RBPJ: variants seen among roughly 807,000 people sequenced by gnomAD.
RBPJ encodes the protein recombination signal binding protein for immunoglobulin kappa J region, also known as recombining binding protein suppressor of hairless.
A neutral mutation model predicts 67.8 loss-of-function variants in RBPJ; 9 were observed. That is an observed-to-expected ratio of 0.13 (90% CI 0.08 to 0.23). RBPJ has a LOEUF of 0.23. Among genes scored for constraint, RBPJ ranks in the 10% least tolerant of loss-of-function variants. The probability of loss-of-function intolerance (pLI) is 1.00; values close to 1 mark genes in which losing one functional copy is unlikely to be tolerated. For missense variants in RBPJ, 305 were observed against 595.6 expected (o/e 0.51, Z 5.08); for synonymous variants, 198 against 203.3 (o/e 0.97, Z 0.22).
intron 1 of RBPJ, among the ~76,000 whole-genome samples, chr4:26,328,507 C>A (rs1261079356): frequency 6.6e-6 from 1 of 152,094 alleles, no homozygotes; most frequent in African/African-American, 2.4e-5. Flanking sequence ...AAATGATTAT[C>A]TTCATTTGGA....
chr4:26,165,632 C>G (rs1051480305), intron 1 of RBPJ, among the ~76,000 whole-genome samples: 1 of 152,026 alleles, frequency 6.6e-6, no homozygotes, highest in Non-Finnish European at 1.5e-5. Flanking sequence ...ACCATGCTCA[C>G]TTTAAATTCC....
At chr4:26,233,834 A>G (rs937968534) in intron 1 of RBPJ, among the ~76,000 whole-genome samples, 5 of 152,246 alleles carry the variant, frequency 3.3e-5, no homozygotes, top group Non-Finnish European at 5.9e-5. Context: ...ACAAGTGATT[A>G]GCCATGAATG....
chr4:26,147,738 CT>C, the RBPJ span, among the ~76,000 whole-genome samples: 3 of 152,086 alleles, frequency 2.0e-5, no homozygotes, highest in Non-Finnish European at 4.4e-5. Context: ...CCAAGAAAAA[CT>C]TTTTAAAAAG....
chr4:26,164,425 C>A (rs189411570), intron 1 of RBPJ, among the ~76,000 whole-genome samples: 5 of 152,310 alleles, frequency 3.3e-5, no homozygotes, highest in Non-Finnish European at 7.4e-5. Context: ...GAGCTCTGAG[C>A]TCTGGCTCTC....
intron 1 of RBPJ, among the ~76,000 whole-genome samples, chr4:26,210,727 C>CTTTCCTTCTTTCTTTCCTTCTTTA (rs1718371547): frequency 1.6e-5 from 1 of 61,846 alleles, no homozygotes; most frequent in Admixed American, 1.8e-4. Flanking sequence ...TTCTTTCTTT[C>CTTTCCTTCTTTCTTTCCTTCTTTA]CTTCTTTACT....
intron 1 of RBPJ, among the ~76,000 whole-genome samples, chr4:26,373,102 A>T (rs1729334444): frequency 6.6e-6 from 1 of 152,228 alleles, no homozygotes. Context: ...CAAAAGAAGA[A>T]ATGTATTGCT....
chr4:26,150,494 G>A, the RBPJ span, among the ~76,000 whole-genome samples: 24 of 152,302 alleles, frequency 1.6e-4, no homozygotes, highest in Non-Finnish European at 2.4e-4. Context: ...TGTGTTGGGC[G>A]CTGCATAAAG....
At chr4:26,175,257 G>A (rs901925550) in intron 1 of RBPJ, among the ~76,000 whole-genome samples, 1 of 152,180 alleles carries the variant, frequency 6.6e-6, no homozygotes, top group Non-Finnish European at 1.5e-5. Flanking sequence ...CGGATGCTCA[G>A]AGGAGGGAAA....
chr4:26,256,208 G>A (rs935026314), intron 1 of RBPJ, among the ~76,000 whole-genome samples: 10 of 150,708 alleles, frequency 6.6e-5, no homozygotes, highest in East Asian at 1.9e-4. Flanking sequence ...CAACCCCATC[G>A]AAACACACCC....
rs1577409309 is a variant in RBPJ, at chr4:26,306,505, A to G, written c.-166-55941A>G. The stretch of plus-strand genomic sequence containing the variant: ...CACTCTGATGCCCAGGCTGGAGTGC[A>G]ATGGCGCGATCTCCGCTCACTGCAA... On this transcript the variant is annotated intron_variant, in intron 1 of 4. Coordinates refer to the RBPJ transcript ENST00000512351. Among the ~76,000 whole-genome samples, 4 of 151,792 alleles carry G rather than the reference A, an allele frequency of 2.6e-5. 1 individual carries two copies. Among genetic ancestry groups the G allele is most frequent in the Non-Finnish European group, 5.9e-5 (4 of 67,950 alleles).
At chr4:26,338,445 C>T (rs772338066) in intron 1 of RBPJ, among the ~76,000 whole-genome samples, 8 of 151,520 alleles carry the variant, frequency 5.3e-5, no homozygotes, top group East Asian at 1.9e-4. Flanking sequence ...TGAGCCACTG[C>T]GCCCGGCCTC....
rs73809413 is a variant in RBPJ at position 26,323,675 on chromosome 4, T to G, written c.20+2627T>G. Among the ~76,000 whole-genome samples the G allele has an allele frequency of 4.9e-3, 742 of 152,324 alleles. 10 individuals are homozygous for G. Among genetic ancestry groups the G allele is most frequent in the African/African-American group, 0.017 (720 of 41,578 alleles). On this transcript the variant is annotated intron_variant, in intron 1 of 10. Coordinates refer to ENST00000355476, the MANE Select transcript of RBPJ (RefSeq NM_015874.6). The stretch of plus-strand genomic sequence containing the variant: ...ATTAGATTTTAAGCAGTTAGGTTTG[T>G]TAAAAAGTTATCTGTTGTCCTATAC...
intron 1 of RBPJ, among the ~76,000 whole-genome samples, chr4:26,191,249 AG>A (rs1717532152): frequency 7.7e-6 from 1 of 129,096 alleles, no homozygotes; most frequent in African/African-American, 3.1e-5. Context: ...AGATAGAGAG[AG>A]AGAGAGGGAG....
chr4:26,234,446 C>G (rs75581087), intron 1 of RBPJ, among the ~76,000 whole-genome samples: 1 of 152,046 alleles, frequency 6.6e-6, no homozygotes, highest in Non-Finnish European at 1.5e-5. Context: ...AGAATGATTC[C>G]GTAGTAATAC....
At chr4:26,336,485 A>C (rs965133551) in intron 1 of RBPJ, among the ~76,000 whole-genome samples, 1 of 143,104 alleles carries the variant, frequency 7.0e-6, no homozygotes, top group Non-Finnish European at 1.5e-5. Flanking sequence ...CCCATCTCTT[A>C]AAACAAAACA....
rs116432132 is a variant in RBPJ at position 26,393,439 on chromosome 4, A to G, written c.59+7048A>G. ...ACCCAGGCTATAGCGCAGTGGTGTG[A>G]TCTTGGCTGACTGCAACCTCCGCCT... On this transcript the variant is annotated intron_variant, in intron 2 of 10. Coordinates refer to ENST00000355476, the MANE Select transcript of RBPJ (RefSeq NM_015874.6). 1.9e-3 allele frequency among the ~76,000 whole-genome samples: 286 copies of G among 152,150 alleles called. 1 individual carries two copies. The highest frequency in any genetic ancestry group is 6.6e-3 in the African/African-American group (274 of 41,518).
intron 1 of RBPJ, among the ~76,000 whole-genome samples, chr4:26,245,049 T>C (rs1719881094): frequency 6.6e-6 from 1 of 151,594 alleles, no homozygotes; most frequent in East Asian, 1.9e-4. Flanking sequence ...CTTCTTAAAG[T>C]ATACAATTCA....
At position 26,191,180 on chromosome 4, in the gene RBPJ, AATATAT is replaced by A. The variant is rs1245359104; in HGVS notation, c.-167+27592_-167+27597del. ...AAAAAAAAAAAAAAAAAAAAAAAAA[AATATAT>A]ATATATATATATATATATATATATA... On this transcript the variant is annotated intron_variant, in intron 1 of 4. Coordinates refer to the RBPJ transcript ENST00000512351. Among the ~76,000 whole-genome samples the A allele has an allele frequency of 5.4e-3, 320 of 59,616 alleles. 2 individuals are homozygous for A. Among genetic ancestry groups the A allele is most frequent in the African/African-American group, 0.011 (158 of 14,370 alleles). 39.1% of individuals were successfully genotyped at this position (59,616 alleles called of 152,430 possible).
At chr4:26,428,600 G>A in intron 7 of RBPJ, 120 bp from the exon 8 acceptor site, 1 of 709,986 alleles carries the variant, frequency 1.4e-6, no homozygotes, top group South Asian at 1.8e-5. Flanking sequence ...GTAGGCATAG[G>A]ACAAATAACT....
Sources: allele counts gnomAD v4.1 joint callset (sites outside exome capture counted in the v4.1 genomes callset), GRCh38; gene constraint gnomAD v4.1.1; transcripts MANE v1.5; gene names NCBI Gene and HGNC (gene_info 2026-07-23, HGNC 2026-07-21).